Variants in GRIN2A observed in about 807,000 individuals in gnomAD.
GRIN2A encodes the protein glutamate receptor ionotropic, NMDA 2A.
A neutral mutation model predicts 113.4 loss-of-function variants in GRIN2A; 22 were observed. The observed-to-expected ratio is 0.19, with a 90% confidence interval of 0.14 to 0.28. The LOEUF (loss-of-function observed/expected upper bound fraction) is 0.28. Ranked by LOEUF, GRIN2A falls within the 10% of genes least tolerant of loss-of-function variation. The pLI is 1.00. For missense variants in GRIN2A, 1,502 were observed against 1,887.0 expected (o/e 0.80, Z 3.78); for synonymous variants, 827 against 738.4 (o/e 1.12, Z -1.94).
intron 2 of GRIN2A, among the ~76,000 whole-genome samples, chr16:10,053,490 T>G (rs1413138404): frequency 6.6e-6 from 1 of 152,176 alleles, no homozygotes; most frequent in Non-Finnish European, 1.5e-5. Context: ...CCATAATTAT[T>G]CCACTACACA....
intron 8 of GRIN2A, among the ~76,000 whole-genome samples, chr16:9,830,443 C>A (rs751196524): frequency 7.3e-6 from 1 of 137,850 alleles, no homozygotes; most frequent in African/African-American, 2.8e-5. Context: ...CTGTAAAACA[C>A]ACATATTAGG....
At chr16:9,990,470 G>A (rs915632832) in intron 2 of GRIN2A, among the ~76,000 whole-genome samples, 7 of 151,946 alleles carry the variant, frequency 4.6e-5, no homozygotes, top group African/African-American at 1.5e-4. Context: ...GAACATTAGA[G>A]GCTCAAACTT....
At chr16:10,128,977 C>T (rs1025929543) in intron 2 of GRIN2A, among the ~76,000 whole-genome samples, 3 of 152,168 alleles carry the variant, frequency 2.0e-5, no homozygotes, top group Non-Finnish European at 2.9e-5. Context: ...TACCTGAGCA[C>T]GCTCTTATTT....
intron 10 of GRIN2A, among the ~76,000 whole-genome samples, chr16:9,815,021 CAAA>C (rs60827287): frequency 0.013 from 1,019 of 76,338 alleles, 16 homozygotes; most frequent in African/African-American, 0.035. Context: ...AACTCCGTTT[CAAA>C]AAAAAAAAAA....
intron 10 of GRIN2A, among the ~76,000 whole-genome samples, chr16:9,821,864 C>T (rs1246170742): frequency 6.6e-6 from 1 of 152,156 alleles, no homozygotes; most frequent in African/African-American, 2.4e-5. Context: ...TCATAAAGCT[C>T]CTACTAGCAA....
At chr16:10,144,850 G>A (rs1269926767) in intron 2 of GRIN2A, among the ~76,000 whole-genome samples, 2 of 149,786 alleles carry the variant, frequency 1.3e-5, no homozygotes, top group Non-Finnish European at 1.5e-5. Context: ...GTACCCAGGA[G>A]GCGGAGACTG....
chr16:10,147,649 AAAAGAAG>A (rs372695339), intron 2 of GRIN2A, among the ~76,000 whole-genome samples: 1,957 of 149,894 alleles, frequency 0.013, 43 homozygotes, highest in African/African-American at 0.047. Context: ...AAAAAAAAAA[AAAAGAAG>A]AAGAAGAAGA....
At chr16:10,126,936 T>C (rs1483431424) in intron 2 of GRIN2A, among the ~76,000 whole-genome samples, 4 of 152,324 alleles carry the variant, frequency 2.6e-5, no homozygotes, top group East Asian at 1.9e-4. Context: ...TCTGAAGTCC[T>C]GACCTCACCA....
intron 2 of GRIN2A, among the ~76,000 whole-genome samples, chr16:10,138,083 C>A (rs886135584): frequency 2.6e-5 from 4 of 152,164 alleles, no homozygotes; most frequent in Non-Finnish European, 5.9e-5. Context: ...TCTGTCATCA[C>A]CAAGGTGGGC....
intron 4 of GRIN2A, among the ~76,000 whole-genome samples, chr16:9,872,148 G>A (rs1480747380): frequency 2.0e-5 from 3 of 152,168 alleles, no homozygotes; most frequent in African/African-American, 7.2e-5. Flanking sequence ...ACCCCAAGGG[G>A]TGGGTATTAT....
chr16:9,974,056 A>T (rs974124364), intron 2 of GRIN2A, among the ~76,000 whole-genome samples: 3 of 152,254 alleles, frequency 2.0e-5, no homozygotes, highest in Non-Finnish European at 2.9e-5. Context: ...ATACATATGC[A>T]TGTGACTATT....
chr16:9,907,761 A>T (rs1037706544), intron 3 of GRIN2A, among the ~76,000 whole-genome samples: 1 of 152,168 alleles, frequency 6.6e-6, no homozygotes, highest in African/African-American at 2.4e-5. Flanking sequence ...ACCTTTTCCC[A>T]AAAGGCTCAC....
intron 2 of GRIN2A, among the ~76,000 whole-genome samples, chr16:10,067,572 C>T (rs7188387): frequency 0.48 from 72,784 of 151,888 alleles, 18,612 homozygotes; most frequent in East Asian, 0.95. Flanking sequence ...GTTGCATGCC[C>T]GGAGGGACAC....
rs562551985 is a variant in GRIN2A at position 9,917,075 on chromosome 16, G to A, written c.1007+20884C>T. 4.6e-5 allele frequency among the ~76,000 whole-genome samples: 7 copies of A among 152,118 alleles called. No individual in the cohort carries two copies. In the South Asian group the frequency reaches 8.3e-4, roughly 18 times the overall value. On this transcript the variant is annotated intron_variant, in intron 3 of 12. Coordinates refer to ENST00000330684, the MANE Select transcript of GRIN2A (RefSeq NM_001134407.3). ...ATATTTCCCATCTCAGGGACTTTGC[G>A]CACTCTGCTCCCTTTGGCTGGAATG...
At position 9,901,201 on chromosome 16, in the gene GRIN2A, G is replaced by T. The variant is rs2043914732; in HGVS notation, c.1008-10101C>A. 2.6e-5 allele frequency among the ~76,000 whole-genome samples: 4 copies of T among 152,246 alleles called. No homozygotes were observed. The South Asian group carries it at 8.3e-4, about 32-fold the overall frequency. On this transcript the variant is annotated intron_variant, in intron 3 of 12. Transcript: ENST00000330684. ...TAAAGTAGATGCTCAATGCAAATTT[G>T]TGGAATGAACAAAAGTCTCAACTCT...
intron 2 of GRIN2A, among the ~76,000 whole-genome samples, chr16:9,964,337 ATTC>A (rs1390182408): frequency 3.9e-5 from 6 of 152,214 alleles, no homozygotes; most frequent in Non-Finnish European, 8.8e-5. Context: ...TCAGCCTTGA[ATTC>A]TTCTTCCTGA....
At chr16:10,047,606 T>G (rs536237522) in intron 2 of GRIN2A, among the ~76,000 whole-genome samples, 1 of 152,328 alleles carries the variant, frequency 6.6e-6, no homozygotes, top group South Asian at 2.1e-4. Flanking sequence ...TCAGATCTTC[T>G]TACCATTTCT....
intron 3 of GRIN2A, among the ~76,000 whole-genome samples, chr16:9,935,544 A>G (rs1229948643): frequency 6.7e-6 from 1 of 149,966 alleles, no homozygotes; most frequent in Non-Finnish European, 1.5e-5. Context: ...ACACACACAC[A>G]CACACACACA....
intron 3 of GRIN2A, among the ~76,000 whole-genome samples, chr16:9,903,133 T>C (rs10400978): frequency 0.3 from 45,383 of 151,584 alleles, 8,095 homozygotes; most frequent in African/African-American, 0.5. Flanking sequence ...CATGCCCAGC[T>C]AATTTTTTTG....
Sources: gnomAD v4.1 joint callset for allele counts (sites outside exome capture counted in the v4.1 genomes callset) on GRCh38, gnomAD v4.1.1 for gene constraint, MANE v1.5 for transcripts, NCBI Gene and HGNC (gene_info 2026-07-23, HGNC 2026-07-21) for gene names.